VEPH1: variants seen among roughly 807,000 people sequenced by gnomAD.
VEPH1 encodes the protein ventricular zone-expressed PH domain-containing protein homolog 1.
VEPH1 carries 80 observed loss-of-function variants against 85.2 expected under a neutral mutation model. That is an observed-to-expected ratio of 0.94 (90% CI 0.78 to 1.13). The LOEUF is 1.13. Among genes scored for constraint, VEPH1 ranks in the 50% most tolerant of loss-of-function variants. The probability of loss-of-function intolerance (pLI) is 0.00; values close to 1 mark genes in which losing one functional copy is unlikely to be tolerated. For synonymous variants in VEPH1, 297 were observed against 348.0 expected (o/e 0.85, Z 1.63); for missense variants, 955 against 980.5 (o/e 0.97, Z 0.35).
chr3:157,480,143 T>C (rs1001344787), intron 2 of VEPH1, among the ~76,000 whole-genome samples: 2 of 151,168 alleles, frequency 1.3e-5, no homozygotes, highest in Non-Finnish European at 2.9e-5. Context: ...GTGTTCTTCA[T>C]TTTTTTGGAT....
At chr3:157,437,750 C>T in intron 4 of VEPH1, 1 of 1,490,770 alleles carries the variant, frequency 6.7e-7, no homozygotes. Flanking sequence ...CTGCTGCAGG[C>T]GACCCGCGAC....
intron 12 of VEPH1, among the ~76,000 whole-genome samples, chr3:157,280,029 A>G (rs2108336137): frequency 6.6e-6 from 1 of 151,726 alleles, no homozygotes; most frequent in African/African-American, 2.4e-5. Flanking sequence ...AAAAAAAAAA[A>G]AAAAGGACCA....
At chr3:157,502,365 T>A (rs1413378677) in intron 1 of VEPH1, among the ~76,000 whole-genome samples, 2 of 152,220 alleles carry the variant, frequency 1.3e-5, no homozygotes, top group South Asian at 4.1e-4. Flanking sequence ...GAAACACTTA[T>A]CTTCAAGTCT....
intron 12 of VEPH1, among the ~76,000 whole-genome samples, chr3:157,285,732 C>A (rs1055324730): frequency 2.0e-5 from 3 of 152,144 alleles, no homozygotes; most frequent in Non-Finnish European, 4.4e-5. Context: ...TTATTAGCAA[C>A]GTGTTTCCAC....
chr3:157,340,250 G>C (rs1723393454), intron 9 of VEPH1, among the ~76,000 whole-genome samples: 1 of 152,190 alleles, frequency 6.6e-6, no homozygotes, highest in Admixed American at 6.5e-5. Flanking sequence ...AAGTGCAAGG[G>C]GTCAGGGAAT....
intron 11 of VEPH1, among the ~76,000 whole-genome samples, chr3:157,302,141 G>C (rs1718879348): frequency 6.6e-6 from 1 of 152,046 alleles, no homozygotes; most frequent in South Asian, 2.1e-4. Flanking sequence ...AGTTTGTTAT[G>C]TCACTTTTAC....
chr3:157,325,835 G>T (rs1721838775), intron 9 of VEPH1, among the ~76,000 whole-genome samples: 1 of 152,098 alleles, frequency 6.6e-6, no homozygotes, highest in African/African-American at 2.4e-5. Context: ...GGTTCCAGGT[G>T]AATTTTAAAA....
At chr3:157,463,489 T>A (rs1736069053) in intron 3 of VEPH1, among the ~76,000 whole-genome samples, 1 of 152,184 alleles carries the variant, frequency 6.6e-6, no homozygotes, top group South Asian at 2.1e-4. Flanking sequence ...CTTCCCTGAA[T>A]GCCTTTGTCT....
intron 7 of VEPH1, 121 bp from the exon 8 acceptor site, chr3:157,364,633 TG>T (rs1577453444): frequency 1.1e-6 from 1 of 931,248 alleles, no homozygotes; most frequent in East Asian, 2.6e-5. Flanking sequence ...TTTTTTTCAT[TG>T]GTCATTTAAC....
rs748112761 is a variant in VEPH1 at position 157,437,835 on chromosome 3, G to C, written c.530-9347C>G. The C allele has an allele frequency of 1.6e-5, 24 of 1,470,286 alleles. No individual in the cohort carries two copies. In the Admixed American group the frequency reaches 2.8e-4, roughly 17 times the overall value. The allele number at this position is 1,470,286 out of a possible 1,614,324, so 91.1% of individuals were successfully genotyped here. ...AGGAGGCGGGGCGCGCCCTGGCCGC[G>C]GTGCTAGAGGAGCTGCGGCAGACGC... On this transcript the variant is annotated intron_variant, in intron 4 of 13. Coordinates refer to ENST00000362010, the MANE Select transcript of VEPH1 (RefSeq NM_001167912.2).
chr3:157,389,376 A>C (rs1196326445), intron 6 of VEPH1, among the ~76,000 whole-genome samples: 2 of 152,196 alleles, frequency 1.3e-5, no homozygotes, highest in Admixed American at 1.3e-4. Context: ...ATGTGGCAAT[A>C]AAGAGGCCAT....
intron 4 of VEPH1, among the ~76,000 whole-genome samples, chr3:157,455,586 C>T (rs1735309545): frequency 6.6e-6 from 1 of 152,050 alleles, no homozygotes; most frequent in Admixed American, 6.6e-5. Flanking sequence ...CACCCTTCAC[C>T]CTCCAATAGG....
chr3:157,393,472 T>C lies in VEPH1; in HGVS notation c.907-12096A>G, dbSNP rs115536731. Among the ~76,000 whole-genome samples the C allele has an allele frequency of 9.9e-3, 1,503 of 152,322 alleles. 22 individuals carry two copies. Among genetic ancestry groups the C allele is most frequent in the African/African-American group, 0.034 (1,427 of 41,576 alleles). On this transcript the variant is annotated intron_variant, in intron 6 of 13. Transcript: ENST00000362010. Reference sequence around the variant, plus strand: ...TTGTTATTATTAGTATTATTTTTAGTATGATCTGATGATGCCAGAAATATC... The same window carrying C: ...TTGTTATTATTAGTATTATTTTTAGCATGATCTGATGATGCCAGAAATATC...
At chr3:157,473,005 GT>G (rs1737108004) in intron 2 of VEPH1, among the ~76,000 whole-genome samples, 1 of 135,900 alleles carries the variant, frequency 7.4e-6, no homozygotes, top group African/African-American at 2.8e-5. Flanking sequence ...TCTTTTTGTT[GT>G]TGTTAACAAA....
chr3:157,411,662 T>C (rs1040037433), intron 6 of VEPH1, among the ~76,000 whole-genome samples: 1 of 152,190 alleles, frequency 6.6e-6, no homozygotes, highest in Admixed American at 6.5e-5. Context: ...TACTTGGTAA[T>C]TATCTGATCT....
intron 4 of VEPH1, among the ~76,000 whole-genome samples, chr3:157,429,074 T>A (rs564141819): frequency 6.6e-6 from 1 of 152,348 alleles, no homozygotes; most frequent in East Asian, 1.9e-4. Flanking sequence ...TTGTCACACA[T>A]AATTTCCTCA....
At chr3:157,463,049 T>C (rs1455515691) in intron 3 of VEPH1, among the ~76,000 whole-genome samples, 2 of 152,192 alleles carry the variant, frequency 1.3e-5, no homozygotes, top group Non-Finnish European at 2.9e-5. Context: ...GAAACATGGT[T>C]CTATCTGAGA....
intron 4 of VEPH1, among the ~76,000 whole-genome samples, chr3:157,452,297 G>C (rs1433410837): frequency 6.6e-6 from 1 of 152,116 alleles, no homozygotes; most frequent in Non-Finnish European, 1.5e-5. Context: ...TGAATGTTAT[G>C]CCTGAGGAGG....
intron 5 of VEPH1, among the ~76,000 whole-genome samples, chr3:157,419,169 A>G (rs1421973562): frequency 1.3e-5 from 2 of 151,990 alleles, no homozygotes; most frequent in African/African-American, 4.8e-5. Context: ...ACGCCTCATA[A>G]AAAAATTAAC....
Sources: allele counts gnomAD v4.1 joint callset (sites outside exome capture counted in the v4.1 genomes callset), GRCh38; gene constraint gnomAD v4.1.1; transcripts MANE v1.5; gene names NCBI Gene and HGNC (gene_info 2026-07-23, HGNC 2026-07-21).